ALG11: variants seen among roughly 807,000 people sequenced by gnomAD.
ALG11 encodes ALG11 alpha-1,2-mannosyltransferase.
Under a neutral mutation model 38.8 loss-of-function variants are expected in ALG11, and 26 were observed. The observed-to-expected ratio is 0.67, with a 90% CI of 0.49 to 0.93. The LOEUF is 0.93. Ranked by LOEUF, ALG11 falls within the 40% of genes least tolerant of loss-of-function variation. The pLI, the probability that ALG11 is intolerant of heterozygous loss-of-function variation, is 0.00. For missense variants in ALG11, 535 were observed against 578.8 expected (o/e 0.92, Z 0.78); for synonymous variants, 199 against 211.6 (o/e 0.94, Z 0.52).
At position 52,030,431 on chromosome 13, in the gene ALG11, C is replaced by T. The variant is rs758895772; in HGVS notation, c.*1841C>T. On this transcript the variant is annotated 3_prime_UTR_variant, in exon 4 of 4. Coordinates refer to ENST00000521508, the MANE Select transcript of ALG11 (RefSeq NM_001004127.3). ...GCAGTCAGAGAGGACCCCAAATAAT[C>T]GGCCTGATGCCCCTAAGGAGAAGAA... 5.0e-6 allele frequency: 8 copies of T among 1,614,096 alleles called. No individual in the cohort carries two copies. In the East Asian group the frequency reaches 6.7e-5, roughly 13 times the overall value.
chr13:52,021,218 C>T (rs930511759), intron 2 of ALG11: 1 of 152,222 alleles, frequency 6.6e-6, no homozygotes, highest in African/African-American at 2.4e-5. Context: ...GCTGCATTCA[C>T]TGCGTGATGA....
chr13:52,027,980 G>C (rs1240966926), intron 3 of ALG11, among the ~76,000 whole-genome samples: 7 of 152,014 alleles, frequency 4.6e-5, no homozygotes, highest in Non-Finnish European at 8.8e-5. Flanking sequence ...GCAGCAGGCT[G>C]GGTGTGGTAG....
chr13:52,028,373 G>A lies in ALG11; in HGVS notation c.1262G>A (p.Gly421Asp). The change falls in exon 4 of 4, where the codon GGC (glycine) becomes GAC (aspartate). Residue 421 changes from glycine to aspartate, a missense_variant. Transcript: ENST00000521508. ...GTIILAHNSG[G>D]PKLDIVVPHE... ...ATTATCCTTGCACACAATTCGGGGGGCCCAAAGCTTGACATTGTGGTTCCT... is the reference window on the plus strand; with the variant it reads ...ATTATCCTTGCACACAATTCGGGGGACCCAAAGCTTGACATTGTGGTTCCT... 6.2e-7 allele frequency: 1 copy of A among 1,614,118 alleles called. No homozygotes were observed. Among genetic ancestry groups the A allele is most frequent in the Non-Finnish European group, 8.5e-7 (1 of 1,180,018 alleles).
chr13:52,023,792 C>CTTT lies in ALG11; in HGVS notation c.276-196_276-194dup, dbSNP rs376943099. 4.3e-4 allele frequency: 77 copies of CTTT among 177,850 alleles called. 2 individuals carry two copies. Among genetic ancestry groups the CTTT allele is most frequent in the Admixed American group, 6.8e-4 (8 of 11,762 alleles). 11.0% of individuals were successfully genotyped at this position (177,850 alleles called of 1,614,324 possible). ...TCAGTCTCTCAGGGTAGGTAGCAGG[C>CTTT]TTTTTTTTTTTTTTTTTTTTGAGAT... On this transcript the variant is annotated intron_variant, in intron 2 of 3. Coordinates refer to ENST00000521508, the MANE Select transcript of ALG11 (RefSeq NM_001004127.3).
chr13:52,030,506 C>T lies in ALG11; in HGVS notation c.*1916C>T, dbSNP rs1954291054. The T allele has an allele frequency of 6.2e-7, 1 of 1,614,192 alleles. No homozygotes were observed. The highest frequency in any genetic ancestry group is 1.1e-5 in the South Asian group (1 of 91,082). Reference sequence around the variant, plus strand: ...ACAGAACTTCCTGACCACACAGTCTCCTTCCGTGAGGTCTTTGGCAGTTCC... The same window carrying T: ...ACAGAACTTCCTGACCACACAGTCTTCTTCCGTGAGGTCTTTGGCAGTTCC... On this transcript the variant is annotated 3_prime_UTR_variant, in exon 4 of 4. Coordinates refer to ENST00000521508, the MANE Select transcript of ALG11 (RefSeq NM_001004127.3).
Position 52,029,872 on chromosome 13 carries a change from C to G in ALG11, c.*1282C>G. 1.2e-6 allele frequency: 2 copies of G among 1,614,176 alleles called. No homozygotes were observed. Reference sequence around the variant, plus strand: ...GCACAGAAGTGGAAGAACTCCTTGTCCCTCATGTAGCGAATGAAGTGCAGA... The same window carrying G: ...GCACAGAAGTGGAAGAACTCCTTGTGCCTCATGTAGCGAATGAAGTGCAGA... On this transcript the variant is annotated 3_prime_UTR_variant, in exon 4 of 4. Transcript: ENST00000521508.
rs1172505958 is a variant in ALG11 at position 52,019,156 on chromosome 13, CT to C, written c.275+16del. The C allele has an allele frequency of 1.3e-6, 2 of 1,568,534 alleles. No homozygotes were observed. Among genetic ancestry groups the C allele is most frequent in the Non-Finnish European group, 1.7e-6 (2 of 1,146,366 alleles). On this transcript the variant is annotated intron_variant, in intron 2 of 3. Coordinates refer to ENST00000521508, the MANE Select transcript of ALG11 (RefSeq NM_001004127.3). ...CCCTGCAGAAAAAGTAGGTATCCAT[CT>C]TTCTTAGCTAATTTGCTATATTGTT...
rs528364249 is a variant in ALG11 at position 52,018,572 on chromosome 13, ATCATG to A, written c.45-338_45-334del. Reference sequence around the variant, plus strand: ...AATGACAGTATATAACACATTCTTAATCATGTCTTGTTTAGATTAATAGTTAAATT... The same window carrying A: ...AATGACAGTATATAACACATTCTTAATCTTGTTTAGATTAATAGTTAAATT... On this transcript the variant is annotated intron_variant, in intron 1 of 3. Transcript: ENST00000521508. Among the ~76,000 whole-genome samples, 15 of 152,328 alleles carry A rather than the reference ATCATG, an allele frequency of 9.8e-5. No homozygotes were observed. The East Asian group carries it at 2.9e-3, about 29-fold the overall frequency.
At chr13:52,012,503 C>T (rs1185753231) in intron 1 of ALG11, 41 bp downstream of exon 1, 6 of 1,613,688 alleles carry the variant, frequency 3.7e-6, no homozygotes, top group African/African-American at 1.3e-5. Flanking sequence ...GTTTTCTCTT[C>T]TGTAGGGGTA....
chr13:52,030,550 G>A lies in ALG11; in HGVS notation c.*1960G>A, dbSNP rs1268942594. ...CAGTTCCCACAATAATAGAGGAGCT[G>A]GAAGATGAAGAGGAGAGAGACCAAA... On this transcript the variant is annotated 3_prime_UTR_variant, in exon 4 of 4. Coordinates refer to ENST00000521508, the MANE Select transcript of ALG11 (RefSeq NM_001004127.3). The A allele has an allele frequency of 1.9e-6, 3 of 1,614,020 alleles. No homozygotes were observed. Among genetic ancestry groups the A allele is most frequent in the African/African-American group, 1.3e-5 (1 of 74,910 alleles).
intron 1 of ALG11, chr13:52,017,031 A>C (rs573064128): frequency 2.6e-5 from 4 of 152,310 alleles, no homozygotes; most frequent in Non-Finnish European, 5.9e-5. Flanking sequence ...ATGGGAACCC[A>C]CCTCTTGCTT....
In ALG11 at chr13:52,028,352, T is replaced by A. The variant is rs398123525; in HGVS notation, c.1241T>A (p.Ile414Asn). ...GAGTGTATGGCAGCTGGCACAATTA[T>A]CCTTGCACACAATTCGGGGGGCCCA... ...VVECMAAGTI[I>N]LAHNSGGPKL... Residue 414 changes from isoleucine to asparagine, a missense_variant, in exon 4 of 4, where the codon ATC (isoleucine) becomes AAC (asparagine). Transcript: ENST00000521508. The A allele has an allele frequency of 6.2e-7, 1 of 1,614,218 alleles. No homozygotes were observed. The highest frequency in any genetic ancestry group is 1.1e-5 in the South Asian group (1 of 91,090).
chr13:52,030,741 G>A lies in ALG11; in HGVS notation c.*2151G>A, dbSNP rs1325643858. 20 of 1,614,042 alleles carry A rather than the reference G, an allele frequency of 1.2e-5. No homozygotes were observed. The East Asian group carries it at 1.3e-4, about 11-fold the overall frequency. ...CTAAAGCCCAGTGCCAAGAAAAGAC[G>A]CCAGTTTCTCATTAAAGCCCCTGAG... On this transcript the variant is annotated 3_prime_UTR_variant, in exon 4 of 4. Coordinates refer to ENST00000521508, the MANE Select transcript of ALG11 (RefSeq NM_001004127.3).
In ALG11 at chr13:52,029,996, G is replaced by T; in HGVS notation, c.*1406G>T. 1 of 1,614,262 alleles carries T rather than the reference G, an allele frequency of 6.2e-7. No homozygotes were observed. The highest frequency in any genetic ancestry group is 8.5e-7 in the Non-Finnish European group (1 of 1,180,048). On this transcript the variant is annotated 3_prime_UTR_variant, in exon 4 of 4. Coordinates refer to ENST00000521508, the MANE Select transcript of ALG11 (RefSeq NM_001004127.3). ...GGACCCTGAGCAAGTGCCAGAGCTT[G>T]CAGCTCATGAGGTTTCTGCAAGTGA...
rs1954269338 is a variant in ALG11 at position 52,028,956 on chromosome 13, C to T, written c.*366C>T. The stretch of plus-strand genomic sequence containing the variant: ...CAAAAGCTTCTGGAAGCAATCATTT[C>T]CCTTGATGGAAAGAATAGGCGGAAA... On this transcript the variant is annotated 3_prime_UTR_variant, in exon 4 of 4. Coordinates refer to ENST00000521508, the MANE Select transcript of ALG11 (RefSeq NM_001004127.3). 1 of 1,614,092 alleles carries T rather than the reference C, an allele frequency of 6.2e-7. No homozygotes were observed. Among genetic ancestry groups the T allele is most frequent in the African/African-American group, 1.3e-5 (1 of 74,924 alleles).
Position 52,033,392 on chromosome 13 carries a change from T to TA in ALG11, c.*4803dup, listed in dbSNP as rs1225108129. The TA allele has an allele frequency of 1.2e-5, 2 of 167,088 alleles. No individual in the cohort carries two copies. Among genetic ancestry groups the TA allele is most frequent in the Non-Finnish European group, 2.9e-5 (2 of 68,124 alleles). 10.4% of individuals were successfully genotyped at this position (167,088 alleles called of 1,614,324 possible). ...TGTAAATATTATTTAGATTTGTATT[T>TA]AGACATGATTTATATCTAATATAGA... is the stretch of plus-strand genomic sequence containing the variant. On this transcript the variant is annotated 3_prime_UTR_variant, in exon 4 of 4. Coordinates refer to ENST00000521508, the MANE Select transcript of ALG11 (RefSeq NM_001004127.3).
At position 52,029,399 on chromosome 13, in the gene ALG11, A is replaced by T. The variant is rs1954274956; in HGVS notation, c.*809A>T. 2 of 1,614,036 alleles carry T rather than the reference A, an allele frequency of 1.2e-6. No individual in the cohort carries two copies. Among genetic ancestry groups the T allele is most frequent in the Admixed American group, 1.7e-5 (1 of 59,990 alleles). On this transcript the variant is annotated 3_prime_UTR_variant, in exon 4 of 4. Coordinates refer to ENST00000521508, the MANE Select transcript of ALG11 (RefSeq NM_001004127.3). ...CCTCCATAAGAACAAGCAGCCAGTGACAGATCCTTTACTGACTCCCATGGA... is the reference window on the plus strand; with the variant it reads ...CCTCCATAAGAACAAGCAGCCAGTGTCAGATCCTTTACTGACTCCCATGGA...
intron 1 of ALG11, among the ~76,000 whole-genome samples, chr13:52,012,985 A>G (rs1436041098): frequency 6.6e-6 from 1 of 152,198 alleles, no homozygotes; most frequent in Non-Finnish European, 1.5e-5. Context: ...TTATGATGTA[A>G]GAAGTTACAT....
At chr13:52,013,434 C>A (rs1389419791) in intron 1 of ALG11, among the ~76,000 whole-genome samples, 1 of 152,134 alleles carries the variant, frequency 6.6e-6, no homozygotes, top group Non-Finnish European at 1.5e-5. Context: ...TTGGTTCTTC[C>A]CTGTCATACG....
Sources: gnomAD v4.1 joint callset for allele counts (sites outside exome capture counted in the v4.1 genomes callset) on GRCh38, gnomAD v4.1.1 for gene constraint, MANE v1.5 for transcripts, NCBI Gene and HGNC (gene_info 2026-07-23, HGNC 2026-07-21) for gene names.